The following CARF variants were observed in gnomAD, a reference collection of about 807,000 sequenced individuals.
CARF encodes calcium responsive transcription factor, also known as calcium-responsive transcription factor.
In CARF, 57 loss-of-function variants were observed where a neutral mutation model predicts 82.0. The ratio of observed to expected loss-of-function variants is 0.70; its 90% CI spans 0.56 to 0.87. The LOEUF (loss-of-function observed/expected upper bound fraction) is 0.87, where lower values mean the gene tolerates loss of function less well. CARF is among the 40% of genes least tolerant of loss of function. CARF has a pLI of 0.00. For synonymous variants in CARF, 268 were observed against 290.1 expected (o/e 0.92, Z 0.77); for missense variants, 771 against 855.8 (o/e 0.90, Z 1.24).
At chr2:202,937,440 A>G (rs1037388985) in intron 3 of CARF, among the ~76,000 whole-genome samples, 1 of 151,368 alleles carries the variant, frequency 6.6e-6, no homozygotes, top group Non-Finnish European at 1.5e-5. Context: ...TTCTGCTATA[A>G]TATTTGTTTT....
rs952056357 is a variant in CARF, at chr2:202,986,349, G to A, written c.*2725G>A. ...TAAATACAAGCTTCTAAAATTTTCA[G>A]TATCTATATTGGCTTTCTCTAACAG... is the stretch of plus-strand genomic sequence containing the variant. On this transcript the variant is annotated 3_prime_UTR_variant, in exon 17 of 17. Coordinates refer to ENST00000438828, the MANE Select transcript of CARF (RefSeq NM_024744.17). The A allele has an allele frequency of 3.9e-5, 6 of 152,020 alleles. No individual in the cohort carries two copies. The highest frequency in any genetic ancestry group is 8.8e-5 in the Non-Finnish European group (6 of 67,964). 9.4% of individuals were successfully genotyped at this position (152,020 alleles called of 1,614,324 possible).
chr2:202,974,903 AAT>A (rs555999665), intron 13 of CARF, among the ~76,000 whole-genome samples: 1 of 151,886 alleles, frequency 6.6e-6, no homozygotes, highest in Non-Finnish European at 1.5e-5. Context: ...CATCTCAAAA[AAT>A]ATATATATAT....
chr2:202,914,906 G>A lies in CARF; in HGVS notation c.-330+1804G>A, dbSNP rs1045047352. Among the ~76,000 whole-genome samples, 6 of 152,024 alleles carry A rather than the reference G, an allele frequency of 3.9e-5. No individual in the cohort carries two copies. The East Asian group carries it at 9.6e-4, about 24-fold the overall frequency. ...AAACCATAAATAAAATTGACATTGT[G>A]AACACCAGCCTTAGATTTTTTTTCC... On this transcript the variant is annotated intron_variant, in intron 1 of 16. Transcript: ENST00000438828.
chr2:202,944,662 A>T lies in CARF; in HGVS notation c.306+1695A>T, dbSNP rs568491657. The stretch of plus-strand genomic sequence containing the variant: ...CATACTGCATCACCGGCAGAGGTTA[A>T]TATTCAACAAATAATTTAAATGTTA... On this transcript the variant is annotated intron_variant, in intron 5 of 16. Transcript: ENST00000438828. Among the ~76,000 whole-genome samples the T allele has an allele frequency of 1.1e-4, 16 of 152,358 alleles. No individual in the cohort carries two copies. In the South Asian group the frequency reaches 2.5e-3, roughly 24 times the overall value.
At chr2:202,935,161 T>C (rs967694026) in intron 3 of CARF, among the ~76,000 whole-genome samples, 4 of 132,904 alleles carry the variant, frequency 3.0e-5, no homozygotes, top group Admixed American at 7.9e-5. Context: ...TATACTCCTG[T>C]ATATATTTAA....
Position 202,974,182 on chromosome 2 carries a change from G to GA in CARF, c.1332-147dup, listed in dbSNP as rs35830373. On this transcript the variant is annotated intron_variant, in intron 12 of 16. Transcript: ENST00000438828. ...GTCTGCAATAATTCTATGTTGTATG[G>GA]AAAAAGTTTAAATAGGAAAATATAA... 5.6e-6 allele frequency: 3 copies of GA among 538,756 alleles called. No homozygotes were observed. The African/African-American group carries it at 6.0e-5, about 11-fold the overall frequency. 33.4% of individuals were successfully genotyped at this position (538,756 alleles called of 1,614,324 possible).
At chr2:202,923,568 C>T (rs1384184405) in intron 2 of CARF, among the ~76,000 whole-genome samples, 2 of 152,080 alleles carry the variant, frequency 1.3e-5, no homozygotes, top group African/African-American at 4.8e-5. Flanking sequence ...TCTAGAAATT[C>T]AATGCAATTC....
In CARF at chr2:202,941,864, T is replaced by C. The variant is rs751191242; in HGVS notation, c.-39T>C. 8 of 1,525,554 alleles carry C rather than the reference T, an allele frequency of 5.2e-6. No homozygotes were observed. The highest frequency in any genetic ancestry group is 1.1e-5 in the South Asian group (1 of 88,742). The allele number at this position is 1,525,554 out of a possible 1,614,324, so 94.5% of individuals were successfully genotyped here. On this transcript the variant is annotated 5_prime_UTR_variant, in exon 4 of 17. Coordinates refer to ENST00000438828, the MANE Select transcript of CARF (RefSeq NM_024744.17). ...CAGCTATTTAAACTCTTTCAGCTAT[T>C]AAATAATAGAAGAAAATGGAATTGA...
chr2:202,939,229 T>A (rs2058098715), intron 3 of CARF, among the ~76,000 whole-genome samples: 1 of 152,244 alleles, frequency 6.6e-6, no homozygotes, highest in Non-Finnish European at 1.5e-5. Flanking sequence ...ATACAGATGA[T>A]CCCTGACTTA....
intron 3 of CARF, among the ~76,000 whole-genome samples, chr2:202,930,150 C>T (rs1312107444): frequency 3.3e-5 from 5 of 152,076 alleles, no homozygotes; most frequent in South Asian, 2.1e-4. Context: ...TGGGCTCAAG[C>T]GATTCTCATG....
At chr2:202,943,253 T>C (rs1360593631) in intron 5 of CARF, among the ~76,000 whole-genome samples, 1 of 152,016 alleles carries the variant, frequency 6.6e-6, no homozygotes. Context: ...TTTGTATTTT[T>C]AATAGAGACA....
At position 202,979,992 on chromosome 2, in the gene CARF, C is replaced by G. The variant is rs1403293358; in HGVS notation, c.1559-1563C>G. Among the ~76,000 whole-genome samples, 3 of 152,160 alleles carry G rather than the reference C, an allele frequency of 2.0e-5. No individual in the cohort carries two copies. The East Asian group carries it at 5.8e-4, about 29-fold the overall frequency. On this transcript the variant is annotated intron_variant, in intron 14 of 16. Coordinates refer to ENST00000438828, the MANE Select transcript of CARF (RefSeq NM_024744.17). ...TTCTGTTTTGAGACAGGGTTTCACT[C>G]TGTCACCCATGGTTGAGTACAGTGG...
chr2:202,964,231 T>C (rs1237651914), intron 9 of CARF, among the ~76,000 whole-genome samples: 1 of 152,130 alleles, frequency 6.6e-6, no homozygotes, highest in East Asian at 1.9e-4. Context: ...ATTTCCCCAC[T>C]TTTACTTCAT....
chr2:202,934,075 A>G (rs572351448), intron 3 of CARF, among the ~76,000 whole-genome samples: 4 of 152,262 alleles, frequency 2.6e-5, no homozygotes, highest in East Asian at 1.9e-4. Context: ...AAAAAATCTC[A>G]TAATGTTTTA....
chr2:202,983,812 C>G lies in CARF; in HGVS notation c.*188C>G. ...TACCTTCCTTAAGAGATGTTTTACT[C>G]TTCTTATTTTGTATAATTTTTATGC... On this transcript the variant is annotated 3_prime_UTR_variant, in exon 17 of 17. Coordinates refer to ENST00000438828, the MANE Select transcript of CARF (RefSeq NM_024744.17). 1 of 515,056 alleles carries G rather than the reference C, an allele frequency of 1.9e-6. No homozygotes were observed. Among genetic ancestry groups the G allele is most frequent in the South Asian group, 2.8e-5 (1 of 36,254 alleles). The allele number at this position is 515,056 out of a possible 1,614,324, so 31.9% of individuals were successfully genotyped here. A position where few individuals can be genotyped will look rare whatever the true frequency, so the allele number is the denominator to read the frequency against.
At chr2:202,926,790 A>T (rs1190015401) in intron 3 of CARF, among the ~76,000 whole-genome samples, 1 of 152,142 alleles carries the variant, frequency 6.6e-6, no homozygotes, top group Non-Finnish European at 1.5e-5. Context: ...TTTACGATAC[A>T]TATATCTTGC....
intron 8 of CARF, among the ~76,000 whole-genome samples, chr2:202,956,424 T>G (rs929585853): frequency 6.6e-6 from 1 of 151,840 alleles, no homozygotes; most frequent in Admixed American, 6.6e-5. Context: ...CCTGGCTAAT[T>G]TTTGTATTTT....
rs1553584566 is a variant in CARF at position 202,986,885 on chromosome 2, T to TACATATATATATATATATATATATAC, written c.*3262_*3263insCATATATATATATATATATATATACA. The TACATATATATATATATATATATATAC allele has an allele frequency of 2.1e-5, 2 of 94,346 alleles. No homozygotes were observed. Among genetic ancestry groups the TACATATATATATATATATATATATAC allele is most frequent in the African/African-American group, 6.2e-5 (2 of 32,226 alleles). 5.8% of individuals were successfully genotyped at this position (94,346 alleles called of 1,614,324 possible). On this transcript the variant is annotated 3_prime_UTR_variant, in exon 17 of 17. Coordinates refer to ENST00000438828, the MANE Select transcript of CARF (RefSeq NM_024744.17). ...GTCTGTGCGTATATATATATATATA[T>TACATATATATATATATATATATATAC]ATATATATATATATATATATATAGC...
rs754134071 is a variant in CARF, at chr2:202,955,792, T to G, written c.642+34T>G. 1.8e-5 allele frequency: 27 copies of G among 1,503,038 alleles called. No homozygotes were observed. The Admixed American group carries it at 3.9e-4, about 22-fold the overall frequency. The allele number at this position is 1,503,038 out of a possible 1,614,324, so 93.1% of individuals were successfully genotyped here. A position where few individuals can be genotyped will look rare whatever the true frequency, so the allele number is the denominator to read the frequency against. On this transcript the variant is annotated intron_variant, in intron 8 of 16. Transcript: ENST00000438828. The stretch of plus-strand genomic sequence containing the variant: ...TAAATAATCATTACCTAGAATTACT[T>G]AACTGATTATAACCACAGGTCATCC...
Sources: gnomAD v4.1 joint callset for allele counts (sites outside exome capture counted in the v4.1 genomes callset) on GRCh38, gnomAD v4.1.1 for gene constraint, MANE v1.5 for transcripts, NCBI Gene and HGNC (gene_info 2026-07-23, HGNC 2026-07-21) for gene names.